The following TMEM38B variants were observed in gnomAD, a reference collection of about 807,000 sequenced individuals.
TMEM38B encodes the protein transmembrane protein 38B, also known as trimeric intracellular cation channel type B.
In TMEM38B, 24 loss-of-function variants were observed where a neutral mutation model predicts 28.7. That is an observed-to-expected ratio of 0.84 (90% confidence interval 0.61 to 1.18). TMEM38B has a LOEUF of 1.18. TMEM38B is among the 50% of genes most tolerant of loss of function. The pLI is 0.00. For synonymous variants in TMEM38B, 131 were observed against 127.7 expected (o/e 1.03, Z -0.17); for missense variants, 380 against 350.9 (o/e 1.08, Z -0.66).
At chr9:105,701,949 T>C (rs1016410817) in intron 1 of TMEM38B, among the ~76,000 whole-genome samples, 1 of 152,174 alleles carries the variant, frequency 6.6e-6, no homozygotes, top group Non-Finnish European at 1.5e-5. Flanking sequence ...GTGCAGTGGC[T>C]CACGCCTGTA....
chr9:105,718,841 T>C (rs1836211292), intron 2 of TMEM38B, among the ~76,000 whole-genome samples: 1 of 152,164 alleles, frequency 6.6e-6, no homozygotes, highest in African/African-American at 2.4e-5. Context: ...CACATTTGTG[T>C]AACCGAGACT....
chr9:105,696,811 TG>T (rs1835304321), intron 1 of TMEM38B, among the ~76,000 whole-genome samples: 1 of 152,162 alleles, frequency 6.6e-6, no homozygotes, highest in Non-Finnish European at 1.5e-5. Flanking sequence ...GCGTCAAGGT[TG>T]TTTGACCTAA....
At chr9:105,715,648 T>G (rs1461788858) in intron 2 of TMEM38B, among the ~76,000 whole-genome samples, 16 of 152,122 alleles carry the variant, frequency 1.1e-4, no homozygotes, top group Admixed American at 1.0e-3. Flanking sequence ...TTGAAGACAC[T>G]ATCTGTTATG....
chr9:105,768,382 A>G (rs1435274361), intron 5 of TMEM38B, among the ~76,000 whole-genome samples: 1 of 152,008 alleles, frequency 6.6e-6, no homozygotes, highest in East Asian at 1.9e-4. Context: ...ATTGGTTTGT[A>G]GTTTTCTCTG....
intron 2 of TMEM38B, chr9:105,710,423 G>C (rs1835857787): frequency 2.6e-6 from 3 of 1,176,048 alleles, no homozygotes; most frequent in Non-Finnish European, 3.7e-6. Context: ...TCGGCTTCTA[G>C]GACGTCTGTA....
At chr9:105,749,110 A>G in intron 5 of TMEM38B, 9 of 1,303,400 alleles carry the variant, frequency 6.9e-6, no homozygotes, top group Non-Finnish European at 7.1e-6. Flanking sequence ...GCTGTAATTC[A>G]GGTAACAAAT....
At chr9:105,714,486 A>G (rs1454038287) in intron 2 of TMEM38B, among the ~76,000 whole-genome samples, 1 of 152,154 alleles carries the variant, frequency 6.6e-6, no homozygotes, top group Non-Finnish European at 1.5e-5. Context: ...GAAACCAGCT[A>G]TACAGTTCAT....
rs1838040178 is a variant in TMEM38B, at chr9:105,761,324, G to A, written c.661-12541G>A. Among the ~76,000 whole-genome samples the A allele has an allele frequency of 4.6e-5, 7 of 151,738 alleles. No homozygotes were observed. The South Asian group carries it at 1.5e-3, about 32-fold the overall frequency. On this transcript the variant is annotated intron_variant, in intron 5 of 5. Coordinates refer to ENST00000374692, the MANE Select transcript of TMEM38B (RefSeq NM_018112.3). ...TGTATATTTTATCAGATTTGGTTTT[G>A]CCTTAAATATTATCCCCAACTGCTT...
chr9:105,737,461 A>G (rs923698665), intron 4 of TMEM38B, among the ~76,000 whole-genome samples: 1 of 152,178 alleles, frequency 6.6e-6, no homozygotes, highest in African/African-American at 2.4e-5. Flanking sequence ...AAGTTTTGTC[A>G]GGCCATGTGC....
intron 1 of TMEM38B, among the ~76,000 whole-genome samples, chr9:105,702,406 AC>A (rs1371899345): frequency 1.6e-4 from 24 of 152,196 alleles, no homozygotes; most frequent in African/African-American, 5.8e-4. Flanking sequence ...GAAAATAGCT[AC>A]AGTGCAAGTA....
Position 105,774,244 on chromosome 9 carries a change from G to A in TMEM38B, c.*164G>A. ...GTTTGAGGGAGACTTCCCCTTTCTG[G>A]ATTGTATTTGTAGAGTGTTACGAGT... On this transcript the variant is annotated 3_prime_UTR_variant, in exon 6 of 6. Transcript: ENST00000374692. 3.3e-6 allele frequency: 2 copies of A among 614,466 alleles called. No individual in the cohort carries two copies. Among genetic ancestry groups the A allele is most frequent in the Non-Finnish European group, 2.8e-6 (1 of 352,490 alleles). The allele number at this position is 614,466 out of a possible 1,614,324, so 38.1% of individuals were successfully genotyped here.
intron 2 of TMEM38B, among the ~76,000 whole-genome samples, chr9:105,719,510 G>T (rs1299708440): frequency 1.3e-5 from 2 of 152,068 alleles, no homozygotes; most frequent in African/African-American, 4.8e-5. Flanking sequence ...GTGTGCCATT[G>T]GTCTGATATG....
At chr9:105,729,954 T>G (rs1836668941) in intron 4 of TMEM38B, among the ~76,000 whole-genome samples, 1 of 152,232 alleles carries the variant, frequency 6.6e-6, no homozygotes, top group Admixed American at 6.5e-5. Flanking sequence ...CTGAAGTTGC[T>G]TATCAGTTTA....
intron 4 of TMEM38B, among the ~76,000 whole-genome samples, chr9:105,731,468 C>T (rs1190755650): frequency 6.6e-6 from 1 of 152,010 alleles, no homozygotes; most frequent in Non-Finnish European, 1.5e-5. Context: ...CCTCTCACCC[C>T]ACGACAGGCC....
chr9:105,760,598 G>A, intron 5 of TMEM38B: 1 of 760,726 alleles, frequency 1.3e-6, no homozygotes, highest in African/African-American at 1.7e-5. Context: ...AAGGAGAAAA[G>A]AAAAAAACTA....
At chr9:105,761,631 T>C (rs1314605399) in intron 5 of TMEM38B, among the ~76,000 whole-genome samples, 1 of 152,160 alleles carries the variant, frequency 6.6e-6, no homozygotes, top group Non-Finnish European at 1.5e-5. Flanking sequence ...TATAGAATCA[T>C]TCAGCCTAAG....
At chr9:105,760,590 G>T in intron 5 of TMEM38B, 1 of 754,602 alleles carries the variant, frequency 1.3e-6, no homozygotes, top group Non-Finnish European at 2.4e-6. Flanking sequence ...TACCTCTAAA[G>T]GAGAAAAGAA....
At chr9:105,753,913 A>G (rs922900288) in intron 5 of TMEM38B, among the ~76,000 whole-genome samples, 2 of 152,340 alleles carry the variant, frequency 1.3e-5, no homozygotes, top group Non-Finnish European at 2.9e-5. Context: ...TCTGTCTTCA[A>G]GAAACCCATA....
intron 4 of TMEM38B, among the ~76,000 whole-genome samples, chr9:105,738,649 T>C (rs1200330696): frequency 2.0e-5 from 3 of 152,006 alleles, no homozygotes; most frequent in Non-Finnish European, 4.4e-5. Context: ...CATGAAGATT[T>C]TCCCGTGTTT....
Sources: allele counts gnomAD v4.1 joint callset (sites outside exome capture counted in the v4.1 genomes callset), GRCh38; gene constraint gnomAD v4.1.1; transcripts MANE v1.5; gene names NCBI Gene and HGNC (gene_info 2026-07-23, HGNC 2026-07-21).